Variants in NBEAL1 observed in about 807,000 individuals in gnomAD.
The protein encoded by NBEAL1 is neurobeachin-like protein 1.
In NBEAL1, 273 loss-of-function variants were observed where a neutral mutation model predicts 351.3. The ratio of observed to expected loss-of-function variants is 0.78; its 90% CI spans 0.70 to 0.86. The LOEUF (loss-of-function observed/expected upper bound fraction) is 0.86, where lower values mean the gene tolerates loss of function less well. Ranked by LOEUF, NBEAL1 falls within the 40% of genes least tolerant of loss-of-function variation. NBEAL1 has a pLI of 0.00. For missense variants in NBEAL1, 2,961 were observed against 3,201.3 expected (o/e 0.92, Z 1.81); for synonymous variants, 1,050 against 1,086.4 (o/e 0.97, Z 0.66).
intron 2 of NBEAL1, among the ~76,000 whole-genome samples, chr2:203,031,470 T>C (rs974888012): frequency 1.3e-5 from 2 of 152,232 alleles, no homozygotes; most frequent in East Asian, 1.9e-4. Flanking sequence ...GTTAAACTTA[T>C]GTGTAGTACT....
chr2:203,055,520 G>A (rs2061389352), intron 4 of NBEAL1, among the ~76,000 whole-genome samples: 3 of 151,986 alleles, frequency 2.0e-5, no homozygotes, highest in Non-Finnish European at 4.4e-5. Flanking sequence ...TGGGAGGATT[G>A]CATGAGCCCA....
chr2:203,145,797 C>CAAAAAAAAAAAAAAA (rs56382460), intron 33 of NBEAL1, among the ~76,000 whole-genome samples: 2 of 86,134 alleles, frequency 2.3e-5, no homozygotes, highest in African/African-American at 9.0e-5. Flanking sequence ...GACTCCATCT[C>CAAAAAAAAAAAAAAA]AAAAAAAAAA....
Position 203,166,255 on chromosome 2 carries a change from C to T in NBEAL1, c.5821C>T (p.Gln1941Ter). Residue 1941 changes from glutamine (Q) to a stop codon, truncating the protein, a stop_gained, in exon 37 of 56, where the codon CAA becomes TAA. Transcript: ENST00000683969. LOFTEE classifies it high-confidence loss of function. ...TCCTGGCAGATTAGAAATCACTACT[C>T]AACACATTTACTTCTATGATGGCAG... ...VIPGRLEITT[Q>*]HIYFYDGSIE... The T allele has an allele frequency of 1.2e-6, 2 of 1,611,434 alleles. No individual in the cohort carries two copies. Among genetic ancestry groups the T allele is most frequent in the Non-Finnish European group, 1.7e-6 (2 of 1,179,216 alleles).
intron 15 of NBEAL1, among the ~76,000 whole-genome samples, chr2:203,111,448 GC>G (rs1402950085): frequency 6.6e-6 from 1 of 151,860 alleles, no homozygotes; most frequent in Non-Finnish European, 1.5e-5. Context: ...TCAGCTTACT[GC>G]AACTTCTACC....
rs1372074052 is a variant in NBEAL1, at chr2:203,077,793, T to C, written c.640T>C (p.Cys214Arg). 2 of 1,472,528 alleles carry C rather than the reference T, an allele frequency of 1.4e-6. No homozygotes were observed. The highest frequency in any genetic ancestry group is 2.8e-5 in the African/African-American group (2 of 70,828). 91.2% of individuals were successfully genotyped at this position (1,472,528 alleles called of 1,614,324 possible). ...ESEHLKESLK[C>R]CLLHLFGAIV... ...TGAACATCTCAAGGAAAGTCTTAAATGTTGCTTATTGCATCTCTTTGGAGC... is the reference window on the plus strand; with the variant it reads ...TGAACATCTCAAGGAAAGTCTTAAACGTTGCTTATTGCATCTCTTTGGAGC... Residue 214 changes from cysteine (C) to arginine (R), a missense_variant, in exon 8 of 56, where the codon TGT becomes CGT. By Grantham distance (180) the Cys-to-Arg change is radical. Coordinates refer to ENST00000683969, the MANE Select transcript of NBEAL1 (RefSeq NM_001378026.1).
At position 203,217,978 on chromosome 2, in the gene NBEAL1, G is replaced by C; in HGVS notation, c.*624G>C. ...TACTGTCCTTAATAAAAATTGAGTAGAAAAAAGTGGAACTAGAGATACATT... is the reference window on the plus strand; with the variant it reads ...TACTGTCCTTAATAAAAATTGAGTACAAAAAAGTGGAACTAGAGATACATT... On this transcript the variant is annotated 3_prime_UTR_variant, in exon 56 of 56. Coordinates refer to ENST00000683969, the MANE Select transcript of NBEAL1 (RefSeq NM_001378026.1). The C allele has an allele frequency of 1.1e-6, 1 of 883,722 alleles. No homozygotes were observed. The highest frequency in any genetic ancestry group is 1.4e-6 in the Non-Finnish European group (1 of 737,600). 54.7% of individuals were successfully genotyped at this position (883,722 alleles called of 1,614,324 possible). A position where few individuals can be genotyped will look rare whatever the true frequency, so the allele number is the denominator to read the frequency against.
chr2:203,041,204 A>G (rs539292535), intron 2 of NBEAL1, among the ~76,000 whole-genome samples: 11 of 152,216 alleles, frequency 7.2e-5, no homozygotes, highest in Non-Finnish European at 1.6e-4. Context: ...GAGTAACTCA[A>G]GCATTTGTAC....
rs2065969176 is a variant in NBEAL1, at chr2:203,223,205, C to A, written c.*5851C>A. Among the ~76,000 whole-genome samples the A allele has an allele frequency of 6.6e-6, 1 of 152,058 alleles. No individual in the cohort carries two copies. Among genetic ancestry groups the A allele is most frequent in the Admixed American group, 6.6e-5 (1 of 15,262 alleles). ...GTGATAAGTAAAAGGGCACATTCAA[C>A]AATATTTACCTTTGTCTTAATGCCC... On this transcript the variant is annotated 3_prime_UTR_variant, in exon 56 of 56. Coordinates refer to ENST00000683969, the MANE Select transcript of NBEAL1 (RefSeq NM_001378026.1).
chr2:203,091,573 T>C (rs181727675), intron 10 of NBEAL1, among the ~76,000 whole-genome samples: 48 of 152,344 alleles, frequency 3.2e-4, no homozygotes, highest in Non-Finnish European at 6.3e-4. Context: ...CTGTACCATT[T>C]TACATTCATA....
intron 4 of NBEAL1, among the ~76,000 whole-genome samples, chr2:203,053,801 A>G (rs2061361921): frequency 6.6e-6 from 1 of 152,076 alleles, no homozygotes; most frequent in Non-Finnish European, 1.5e-5. Context: ...TACAGGCATG[A>G]GCCACTGTGT....
intron 6 of NBEAL1, among the ~76,000 whole-genome samples, chr2:203,058,461 G>A (rs1242039045): frequency 5.9e-5 from 9 of 152,214 alleles, no homozygotes; most frequent in African/African-American, 2.2e-4. Flanking sequence ...TGGGAACAAA[G>A]GGAAGAGAAT....
At chr2:203,108,257 G>C in intron 14 of NBEAL1, 69 bp downstream of exon 14, 1 of 1,219,070 alleles carries the variant, frequency 8.2e-7, no homozygotes, top group South Asian at 1.6e-5. Context: ...TCTTAAACAG[G>C]AAAACTGTTT....
intron 45 of NBEAL1, 66 bp downstream of exon 45, chr2:203,188,655 C>T (rs1007400074): frequency 1.0e-5 from 9 of 879,158 alleles, no homozygotes; most frequent in African/African-American, 5.1e-5. Flanking sequence ...TATATGTTTA[C>T]AGTTATTTGA....
intron 7 of NBEAL1, among the ~76,000 whole-genome samples, chr2:203,070,984 G>A (rs554199877): frequency 1.3e-5 from 2 of 152,182 alleles, no homozygotes; most frequent in South Asian, 4.1e-4. Context: ...GGCTGGTCTT[G>A]AACTCCTGGC....
chr2:203,149,233 C>A, intron 34 of NBEAL1, 85 bp downstream of exon 34: 2 of 901,446 alleles, frequency 2.2e-6, no homozygotes, highest in Non-Finnish European at 3.2e-6. Context: ...CCTTTCACTC[C>A]AATTTCTTAA....
At chr2:203,166,884 G>T (rs2064150588) in intron 37 of NBEAL1, among the ~76,000 whole-genome samples, 1 of 151,868 alleles carries the variant, frequency 6.6e-6, no homozygotes, top group Non-Finnish European at 1.5e-5. Context: ...TCATACCTTT[G>T]TATGTGTACT....
chr2:203,196,251 C>T (rs1169116532), intron 47 of NBEAL1, among the ~76,000 whole-genome samples: 6 of 152,134 alleles, frequency 3.9e-5, no homozygotes, highest in Non-Finnish European at 8.8e-5. Context: ...ACACATCTGC[C>T]CTTCTCTGTA....
intron 12 of NBEAL1, among the ~76,000 whole-genome samples, chr2:203,101,222 T>C (rs1430680598): frequency 1.3e-5 from 2 of 152,244 alleles, no homozygotes; most frequent in African/African-American, 2.4e-5. Context: ...TGCATATTGC[T>C]AGCTAGTTAT....
intron 31 of NBEAL1, among the ~76,000 whole-genome samples, chr2:203,144,158 C>T (rs1236248125): frequency 6.7e-6 from 1 of 149,504 alleles, no homozygotes; most frequent in Non-Finnish European, 1.5e-5. Context: ...TTGCCGTGAG[C>T]CGAGATCAAG....
Sources: allele counts gnomAD v4.1 joint callset (sites outside exome capture counted in the v4.1 genomes callset), GRCh38; gene constraint gnomAD v4.1.1; transcripts MANE v1.5; gene names NCBI Gene and HGNC (gene_info 2026-07-23, HGNC 2026-07-21).